The following LIN54 variants were observed in gnomAD, a reference collection of about 807,000 sequenced individuals.
The protein encoded by LIN54 is lin-54 DREAM MuvB core complex component.
A neutral mutation model predicts 78.7 loss-of-function variants in LIN54; 9 were observed. That is an observed-to-expected ratio of 0.11 (90% CI 0.07 to 0.20). LIN54 has a LOEUF of 0.20. LIN54 is among the 10% of genes least tolerant of loss of function. The probability of loss-of-function intolerance (pLI) is 1.00; values close to 1 mark genes in which losing one functional copy is unlikely to be tolerated. For synonymous variants in LIN54, 269 were observed against 318.4 expected (o/e 0.84, Z 1.65); for missense variants, 573 against 889.9 (o/e 0.64, Z 4.53).
chr4:83,009,483 TA>T (rs986407917), intron 1 of LIN54, among the ~76,000 whole-genome samples: 1 of 152,196 alleles, frequency 6.6e-6, no homozygotes, highest in African/African-American at 2.4e-5. Context: ...TTGCCCAGCC[TA>T]AAAATTTGAT....
intron 3 of LIN54, among the ~76,000 whole-genome samples, chr4:82,977,472 C>T (rs1726257284): frequency 6.6e-6 from 1 of 152,168 alleles, no homozygotes; most frequent in South Asian, 2.1e-4. Flanking sequence ...AGAATAGTCA[C>T]TCACCTAACA....
chr4:83,000,183 C>A (rs1728634884), intron 1 of LIN54, among the ~76,000 whole-genome samples: 1 of 152,128 alleles, frequency 6.6e-6, no homozygotes, highest in Non-Finnish European at 1.5e-5. Flanking sequence ...TATGAGCCAC[C>A]ATGCCCAGCC....
chr4:82,985,417 T>C (rs1230415799), intron 1 of LIN54, among the ~76,000 whole-genome samples: 1 of 152,214 alleles, frequency 6.6e-6, no homozygotes. Context: ...TCTAGAGTAA[T>C]ACATCTCAGC....
chr4:82,938,423 G>A lies in LIN54; in HGVS notation c.1522C>T (p.Pro508Ser). The change falls in exon 8 of 13, where the codon CCA becomes TCA. Residue 508 changes from proline to serine, a missense_variant. By Grantham distance (74) the Pro-to-Ser change is moderately conservative. This residue lies in a region of LIN54 where 101 missense variants were observed against 194.2 expected (regional missense o/e 0.52). Coordinates refer to ENST00000340417, the MANE Select transcript of LIN54 (RefSeq NM_194282.4). Reference sequence around the variant, plus strand: ...TTTCAAAATACTCACCCATTGAATGGAAGCCGTGCCTGGGTCTGGATACCA... The same window carrying A: ...TTTCAAAATACTCACCCATTGAATGAAAGCCGTGCCTGGGTCTGGATACCA... Reference protein sequence around the residue: ...TSGIQTQARLPFNGIIPSESA... With the variant: ...TSGIQTQARLSFNGIIPSESA... The A allele has an allele frequency of 6.2e-7, 1 of 1,600,812 alleles. No homozygotes were observed. Among genetic ancestry groups the A allele is most frequent in the Non-Finnish European group, 8.6e-7 (1 of 1,168,072 alleles).
chr4:82,973,241 G>A (rs1276803735), intron 3 of LIN54, among the ~76,000 whole-genome samples: 1 of 152,156 alleles, frequency 6.6e-6, no homozygotes. Flanking sequence ...ACAGCAAAAT[G>A]ATAAATTATG....
intron 3 of LIN54, among the ~76,000 whole-genome samples, chr4:82,973,573 G>A (rs974067965): frequency 6.6e-6 from 1 of 152,186 alleles, no homozygotes; most frequent in East Asian, 1.9e-4. Context: ...ATAGGCTGGG[G>A]CAGGAAGCTA....
At chr4:82,983,545 T>C (rs1726870373) in intron 2 of LIN54, among the ~76,000 whole-genome samples, 1 of 152,168 alleles carries the variant, frequency 6.6e-6, no homozygotes, top group African/African-American at 2.4e-5. Flanking sequence ...ATAAGTAACC[T>C]ACGAAAGTTT....
chr4:82,927,177 ATAAT>A lies in LIN54; in HGVS notation c.*921_*924del, dbSNP rs1480694362. ...AAAAAAAAAAAAAAAGTCTGTAAAA[ATAAT>A]TGATTGTATAGATGAAAACTTCTCT... On this transcript the variant is annotated 3_prime_UTR_variant, in exon 13 of 13. Coordinates refer to ENST00000340417, the MANE Select transcript of LIN54 (RefSeq NM_194282.4). 6 of 152,078 alleles carry A rather than the reference ATAAT, an allele frequency of 3.9e-5. No homozygotes were observed. The highest frequency in any genetic ancestry group is 7.4e-5 in the Non-Finnish European group (5 of 68,014). The allele number at this position is 152,078 out of a possible 1,614,324, so 9.4% of individuals were successfully genotyped here. A position where few individuals can be genotyped will look rare whatever the true frequency, so the allele number is the denominator to read the frequency against.
At chr4:82,932,723 G>T (rs1049423090) in intron 11 of LIN54, among the ~76,000 whole-genome samples, 7 of 151,654 alleles carry the variant, frequency 4.6e-5, no homozygotes, top group Non-Finnish European at 1.0e-4. Context: ...TACTCGAGAG[G>T]CTGAGGCAGG....
At chr4:82,937,886 T>G (rs1196658613) in intron 8 of LIN54, among the ~76,000 whole-genome samples, 1 of 152,184 alleles carries the variant, frequency 6.6e-6, no homozygotes, top group Non-Finnish European at 1.5e-5. Context: ...ATCCCAGCAC[T>G]CTGGGAGACT....
chr4:82,966,426 G>A (rs563799924), intron 4 of LIN54, among the ~76,000 whole-genome samples: 2 of 150,128 alleles, frequency 1.3e-5, no homozygotes, highest in South Asian at 4.2e-4. Flanking sequence ...CTTACTAAAC[G>A]ATGGTATCCC....
chr4:82,979,884 C>T (rs905242592), intron 2 of LIN54, among the ~76,000 whole-genome samples: 1 of 140,920 alleles, frequency 7.1e-6, no homozygotes, highest in Admixed American at 7.6e-5. Context: ...TGCAGGGAGT[C>T]GAGATTGCAC....
chr4:82,992,482 C>T (rs914342262), intron 1 of LIN54, among the ~76,000 whole-genome samples: 12 of 151,924 alleles, frequency 7.9e-5, no homozygotes, highest in African/African-American at 2.2e-4. Context: ...TGAGACCAGT[C>T]GGGACAACAT....
rs541251430 is a variant in LIN54, at chr4:82,998,571, G to C, written c.-33+11913C>G. Among the ~76,000 whole-genome samples the C allele has an allele frequency of 3.4e-3, 498 of 148,068 alleles. 5 individuals carry two copies. The highest frequency in any genetic ancestry group is 0.012 in the African/African-American group (477 of 40,140). ...GAAAGAAAGGAAGGAAGAGAGGGAG[G>C]GAAAGAAAAGAGAGAAAGAAAAGAG... On this transcript the variant is annotated intron_variant, in intron 1 of 12. Coordinates refer to ENST00000340417, the MANE Select transcript of LIN54 (RefSeq NM_194282.4).
chr4:82,930,268 C>T lies in LIN54; in HGVS notation c.2048+675G>A, dbSNP rs116563486. On this transcript the variant is annotated intron_variant, in intron 12 of 12. Coordinates refer to ENST00000340417, the MANE Select transcript of LIN54 (RefSeq NM_194282.4). ...ATTTAATAATTCCTCAGATTAACCT[C>T]TAACAAACTTTCTAATACCAGTCCA... is the stretch of plus-strand genomic sequence containing the variant. 2.7e-3 allele frequency among the ~76,000 whole-genome samples: 417 copies of T among 152,322 alleles called. 3 individuals are homozygous for T. Among genetic ancestry groups the T allele is most frequent in the African/African-American group, 9.6e-3 (397 of 41,570 alleles).
intron 5 of LIN54, among the ~76,000 whole-genome samples, chr4:82,942,316 A>G (rs774143805): frequency 7.9e-5 from 12 of 152,280 alleles, no homozygotes; most frequent in Non-Finnish European, 1.6e-4. Flanking sequence ...AGAATATATG[A>G]TTAGTGGTGA....
intron 1 of LIN54, among the ~76,000 whole-genome samples, chr4:82,994,592 G>T (rs1267894642): frequency 1.3e-5 from 2 of 151,962 alleles, no homozygotes; most frequent in Non-Finnish European, 2.9e-5. Flanking sequence ...TAGAGACAGG[G>T]TTTCACCATG....
At chr4:82,987,216 G>A (rs1002391847) in intron 1 of LIN54, among the ~76,000 whole-genome samples, 18 of 152,288 alleles carry the variant, frequency 1.2e-4, no homozygotes, top group East Asian at 1.9e-4. Context: ...GCTTGAAGCC[G>A]GGAGGCGGAG....
At chr4:82,955,998 G>A (rs910495009) in intron 4 of LIN54, among the ~76,000 whole-genome samples, 35 of 152,108 alleles carry the variant, frequency 2.3e-4, no homozygotes, top group Admixed American at 1.7e-3. Flanking sequence ...GTCTTGCTCT[G>A]TCACCCAGGC....
Sources: allele counts gnomAD v4.1 joint callset (sites outside exome capture counted in the v4.1 genomes callset), GRCh38; gene constraint gnomAD v4.1.1; regional missense constraint gnomAD v4.1.1; transcripts MANE v1.5; gene names NCBI Gene and HGNC (gene_info 2026-07-23, HGNC 2026-07-21).